The following SPATS2 variants were observed in gnomAD, a reference collection of about 807,000 sequenced individuals.
The protein encoded by SPATS2 is spermatogenesis associated serine rich 2, also known as spermatogenesis-associated serine-rich protein 2.
In SPATS2, 38 loss-of-function variants were observed where a neutral mutation model predicts 63.7. The observed-to-expected ratio is 0.60, with a 90% CI of 0.46 to 0.78. The LOEUF (loss-of-function observed/expected upper bound fraction) is 0.78. Ranked by LOEUF, SPATS2 falls within the 30% of genes least tolerant of loss-of-function variation. The pLI is 0.00. For synonymous variants in SPATS2, 207 were observed against 232.9 expected (o/e 0.89, Z 1.01); for missense variants, 588 against 666.2 (o/e 0.88, Z 1.29).
chr12:49,387,069 A>T (rs960191969), intron 2 of SPATS2: 1 of 151,806 alleles, frequency 6.6e-6, no homozygotes, highest in Non-Finnish European at 1.5e-5. Context: ...AAGGAGGGAG[A>T]CTGATTTGGA....
intron 2 of SPATS2, among the ~76,000 whole-genome samples, chr12:49,458,032 A>G (rs942518259): frequency 2.6e-5 from 4 of 152,160 alleles, no homozygotes; most frequent in Non-Finnish European, 4.4e-5. Context: ...AGAATTACCT[A>G]CTTGACTCTT....
At chr12:49,523,502 TAATA>T (rs1240207452) in intron 12 of SPATS2, among the ~76,000 whole-genome samples, 1 of 151,526 alleles carries the variant, frequency 6.6e-6, no homozygotes. Flanking sequence ...CTAAAAAAAT[TAATA>T]AATAGGAGAA....
chr12:49,503,885 G>T (rs1946611500), intron 9 of SPATS2, among the ~76,000 whole-genome samples: 1 of 152,146 alleles, frequency 6.6e-6, no homozygotes, highest in South Asian at 2.1e-4. Context: ...AAATGAAATG[G>T]TTTCCTACCT....
chr12:49,441,810 C>G (rs1171712410), intron 2 of SPATS2: 1 of 152,132 alleles, frequency 6.6e-6, no homozygotes, highest in Non-Finnish European at 1.5e-5. Context: ...TGTTGATAAG[C>G]CGTTAGGTAA....
intron 2 of SPATS2, among the ~76,000 whole-genome samples, chr12:49,416,440 TGA>T (rs1395760894): frequency 3.9e-5 from 6 of 152,186 alleles, no homozygotes; most frequent in Non-Finnish European, 7.3e-5. Flanking sequence ...TGAAGTTGCC[TGA>T]GAGAGCACCT....
At chr12:49,368,681 G>T (rs192545378) in intron 1 of SPATS2, among the ~76,000 whole-genome samples, 1 of 152,192 alleles carries the variant, frequency 6.6e-6, no homozygotes, top group Non-Finnish European at 1.5e-5. Flanking sequence ...AAGGTGATTT[G>T]GGAATATTGA....
At chr12:49,436,266 G>C (rs1416945063) in intron 2 of SPATS2, among the ~76,000 whole-genome samples, 4 of 144,494 alleles carry the variant, frequency 2.8e-5, no homozygotes, top group Admixed American at 6.8e-5. Context: ...CTGGCCGGGC[G>C]GGGGGCTGAC....
rs1395278959 is a variant in SPATS2 at position 49,392,023 on chromosome 12, C to A, written c.-244+20733C>A. Among the ~76,000 whole-genome samples, 3 of 152,144 alleles carry A rather than the reference C, an allele frequency of 2.0e-5. No individual in the cohort carries two copies. The East Asian group carries it at 5.8e-4, about 29-fold the overall frequency. On this transcript the variant is annotated intron_variant, in intron 2 of 13. Transcript: ENST00000552918. ...GTATCCCTTAATTTAACGACACATT[C>A]ATTCAGATACTTTTTATCCCTGGTA... is the stretch of plus-strand genomic sequence containing the variant.
chr12:49,461,729 C>A (rs974282920), intron 3 of SPATS2, among the ~76,000 whole-genome samples: 22 of 152,142 alleles, frequency 1.4e-4, no homozygotes, highest in Non-Finnish European at 2.9e-5. Flanking sequence ...ATTCATAGAT[C>A]CAGGTCTCAC....
At chr12:49,389,925 A>G (rs920044338) in intron 2 of SPATS2, 5 of 810,126 alleles carry the variant, frequency 6.2e-6, no homozygotes, top group Non-Finnish European at 6.7e-6. Context: ...ATACAGGCAC[A>G]TGTTGACCAG....
chr12:49,382,076 C>T (rs1944232094), intron 2 of SPATS2, among the ~76,000 whole-genome samples: 1 of 152,190 alleles, frequency 6.6e-6, no homozygotes, highest in Admixed American at 6.5e-5. Context: ...CAGCTTTGTC[C>T]TGAACTCTCC....
At chr12:49,516,153 A>AT (rs1946837147) in intron 10 of SPATS2, among the ~76,000 whole-genome samples, 1 of 43,760 alleles carries the variant, frequency 2.3e-5, no homozygotes, top group African/African-American at 9.0e-5. Context: ...AAAAAAAAAA[A>AT]AAAAAAAAAA....
intron 11 of SPATS2, 22 bp from the exon 12 acceptor site, chr12:49,522,729 C>A (rs1305578846): frequency 3.8e-5 from 60 of 1,596,102 alleles, no homozygotes; most frequent in Non-Finnish European, 5.2e-5. Context: ...AACCTGGAGG[C>A]CTTTCTTTGT....
In SPATS2 at chr12:49,367,853, G is replaced by A. The variant is rs150992289; in HGVS notation, c.-307+266G>A. 5.1e-4 allele frequency among the ~76,000 whole-genome samples: 78 copies of A among 152,236 alleles called. No individual in the cohort carries two copies. In the East Asian group the frequency reaches 0.013, roughly 26 times the overall value. ...AACAATGGAGTGTGGGGGGGACTCT[G>A]GCGTGAGCGTGTGTGGGGTATTGGA... On this transcript the variant is annotated intron_variant, in intron 1 of 13. Coordinates refer to ENST00000552918, the MANE Select transcript of SPATS2 (RefSeq NM_023071.4).
chr12:49,426,764 C>T (rs1373869337), intron 2 of SPATS2, among the ~76,000 whole-genome samples: 5 of 152,110 alleles, frequency 3.3e-5, no homozygotes, highest in African/African-American at 7.2e-5. Context: ...AGGATGGTCT[C>T]GATCTCCTGA....
chr12:49,443,423 A>G lies in SPATS2; in HGVS notation c.-243-17347A>G, dbSNP rs553043831. On this transcript the variant is annotated intron_variant, in intron 2 of 13. Coordinates refer to ENST00000552918, the MANE Select transcript of SPATS2 (RefSeq NM_023071.4). ...GATTCTTGTCTATACTTTCACTTCTATTCTATTGATCTATATGCCTGTTCT... is the reference window on the plus strand; with the variant it reads ...GATTCTTGTCTATACTTTCACTTCTGTTCTATTGATCTATATGCCTGTTCT... Among the ~76,000 whole-genome samples the G allele has an allele frequency of 1.2e-4, 18 of 152,258 alleles. No individual in the cohort carries two copies. In the South Asian group the frequency reaches 2.7e-3, roughly 23 times the overall value.
At chr12:49,397,726 A>G (rs1259387009) in intron 2 of SPATS2, among the ~76,000 whole-genome samples, 1 of 150,532 alleles carries the variant, frequency 6.6e-6, no homozygotes, top group Non-Finnish European at 1.5e-5. Context: ...ACTACGTGGA[A>G]GGCTGAGGTG....
At chr12:49,515,475 G>C (rs1283452094) in intron 10 of SPATS2, among the ~76,000 whole-genome samples, 2 of 152,202 alleles carry the variant, frequency 1.3e-5, no homozygotes, top group Non-Finnish European at 2.9e-5. Flanking sequence ...GTGGTCACGG[G>C]CCAGAGGATG....
intron 2 of SPATS2, among the ~76,000 whole-genome samples, chr12:49,384,876 CT>C (rs1944284041): frequency 6.6e-6 from 1 of 151,998 alleles, no homozygotes; most frequent in South Asian, 2.1e-4. Flanking sequence ...ATGGCGCGAC[CT>C]TGGCTCACCG....
Sources: allele counts gnomAD v4.1 joint callset (sites outside exome capture counted in the v4.1 genomes callset), GRCh38; gene constraint gnomAD v4.1.1; transcripts MANE v1.5; gene names NCBI Gene and HGNC (gene_info 2026-07-23, HGNC 2026-07-21).